Variants in ROBO2 observed in about 807,000 individuals in gnomAD.
ROBO2 encodes the protein roundabout homolog 2.
ROBO2 carries 53 observed loss-of-function variants against 160.8 expected under a neutral mutation model. That is an observed-to-expected ratio of 0.33 (90% CI 0.26 to 0.41). The LOEUF (loss-of-function observed/expected upper bound fraction) is 0.41, where lower values mean the gene tolerates loss of function less well. Ranked by LOEUF, ROBO2 falls within the 10% of genes least tolerant of loss-of-function variation. The probability of loss-of-function intolerance (pLI) is 1.00; values close to 1 mark genes in which losing one functional copy is unlikely to be tolerated. For synonymous variants in ROBO2, 664 were observed against 611.7 expected (o/e 1.09, Z -1.26); for missense variants, 1,577 against 1,722.4 (o/e 0.92, Z 1.49).
intron 2 of ROBO2, among the ~76,000 whole-genome samples, chr3:76,342,457 G>C (rs2074286347): frequency 6.6e-6 from 1 of 152,096 alleles, no homozygotes; most frequent in African/African-American, 2.4e-5. Flanking sequence ...CACAGAGTGG[G>C]TGCCACTTCA....
chr3:76,431,405 A>G (rs905184618), intron 2 of ROBO2, among the ~76,000 whole-genome samples: 13 of 152,172 alleles, frequency 8.5e-5, no homozygotes, highest in African/African-American at 2.9e-4. Context: ...AATCAGATGA[A>G]TCACAAATGT....
intron 2 of ROBO2, among the ~76,000 whole-genome samples, chr3:77,156,872 G>C (rs1296528101): frequency 2.0e-5 from 3 of 151,752 alleles, no homozygotes; most frequent in Non-Finnish European, 4.4e-5. Flanking sequence ...GAGTTCTTCT[G>C]TTTCTAATGC....
intron 2 of ROBO2, among the ~76,000 whole-genome samples, chr3:77,455,521 TC>T (rs1307434220): frequency 6.6e-6 from 1 of 152,124 alleles, no homozygotes; most frequent in Non-Finnish European, 1.5e-5. Context: ...AACATCCAAC[TC>T]CCTGGTTCAA....
chr3:76,082,685 T>A (rs189455271), intron 2 of ROBO2, among the ~76,000 whole-genome samples: 2 of 152,250 alleles, frequency 1.3e-5, no homozygotes, highest in Admixed American at 1.3e-4. Context: ...TAACAGTCGC[T>A]GCTACTCTCT....
At chr3:76,888,487 C>T (rs1447484667) in intron 2 of ROBO2, among the ~76,000 whole-genome samples, 2 of 152,008 alleles carry the variant, frequency 1.3e-5, no homozygotes, top group African/African-American at 2.4e-5. Context: ...TTTATTCTTG[C>T]CCATATTGTA....
intron 9 of ROBO2, among the ~76,000 whole-genome samples, 173 bp from the exon 11 acceptor site, chr3:77,562,478 A>G (rs2093353154): frequency 6.6e-6 from 1 of 152,186 alleles, no homozygotes; most frequent in South Asian, 2.1e-4. Flanking sequence ...GAATAATATT[A>G]TATGAGTTTA....
In ROBO2 at chr3:75,975,190, G is replaced by T. The variant is rs997320556; in HGVS notation, c.109+37588G>T. Among the ~76,000 whole-genome samples the T allele has an allele frequency of 7.9e-5, 12 of 151,432 alleles. No individual in the cohort carries two copies. In the East Asian group the frequency reaches 1.4e-3, roughly 17 times the overall value. On this transcript the variant is annotated intron_variant, in intron 2 of 26. Transcript: ENST00000487694. ...ATAGATTGGTTTATTTTGTAATTGGGTACAATACATGAATATTGGCAAATT... is the reference window on the plus strand; with the variant it reads ...ATAGATTGGTTTATTTTGTAATTGGTTACAATACATGAATATTGGCAAATT...
At chr3:76,948,221 CTT>C (rs2078692123) in intron 2 of ROBO2, among the ~76,000 whole-genome samples, 1 of 152,150 alleles carries the variant, frequency 6.6e-6, no homozygotes, top group Non-Finnish European at 1.5e-5. Context: ...TATTTTCTCT[CTT>C]GCAATTATGC....
intron 2 of ROBO2, among the ~76,000 whole-genome samples, chr3:76,207,831 A>C (rs1702904411): frequency 6.6e-6 from 1 of 152,178 alleles, no homozygotes. Flanking sequence ...TTTGGAAAGG[A>C]ATGTGATATG....
intron 2 of ROBO2, among the ~76,000 whole-genome samples, chr3:76,432,592 T>A (rs543893489): frequency 6.6e-6 from 1 of 152,210 alleles, no homozygotes; most frequent in African/African-American, 2.4e-5. Flanking sequence ...GAGACCTCAG[T>A]TCCCAACTAT....
At chr3:75,955,455 G>A (rs1397796423) in intron 2 of ROBO2, among the ~76,000 whole-genome samples, 1 of 151,236 alleles carries the variant, frequency 6.6e-6, no homozygotes, top group African/African-American at 2.4e-5. Flanking sequence ...GAATAATCTC[G>A]TGACGTGATT....
At chr3:76,985,575 G>GAAAAAAAAAAAAAAAAAAAAAA in intron 2 of ROBO2, among the ~76,000 whole-genome samples, 1 of 26,378 alleles carries the variant, frequency 3.8e-5, no homozygotes, top group Non-Finnish European at 6.6e-5. Context: ...GACTCCGTCT[G>GAAAAAAAAAAAAAAAAAAAAAA]AAAAAAAAAA....
chr3:77,596,580 C>T, intron 18 of ROBO2, 43 bp from the exon 20 acceptor site: 1 of 1,612,678 alleles, frequency 6.2e-7, no homozygotes, highest in South Asian at 1.1e-5. Context: ...CAAAATCTTG[C>T]ATTGAGCTCC....
At chr3:76,390,873 C>T (rs926230505) in intron 2 of ROBO2, among the ~76,000 whole-genome samples, 4 of 152,102 alleles carry the variant, frequency 2.6e-5, no homozygotes, top group African/African-American at 9.7e-5. Flanking sequence ...TTCAGTATGA[C>T]ATTGAATGTG....
chr3:77,155,644 G>A (rs752836409), intron 2 of ROBO2, among the ~76,000 whole-genome samples: 19 of 151,888 alleles, frequency 1.3e-4, no homozygotes, highest in Non-Finnish European at 2.7e-4. Context: ...AACAGAAAAC[G>A]AATACACATG....
At chr3:76,208,550 A>G (rs1702946557) in intron 2 of ROBO2, among the ~76,000 whole-genome samples, 1 of 152,088 alleles carries the variant, frequency 6.6e-6, no homozygotes, top group Non-Finnish European at 1.5e-5. Flanking sequence ...CAGCTTTTGT[A>G]CTTTGTTTTC....
intron 2 of ROBO2, among the ~76,000 whole-genome samples, chr3:76,780,673 A>G (rs533692240): frequency 6.6e-6 from 1 of 150,984 alleles, no homozygotes; most frequent in East Asian, 2.0e-4. Context: ...TTCCAACACC[A>G]TTTACTAAAG....
At chr3:77,554,701 A>T (rs908353935) in intron 8 of ROBO2, among the ~76,000 whole-genome samples, 2 of 152,026 alleles carry the variant, frequency 1.3e-5, no homozygotes, top group African/African-American at 4.8e-5. Flanking sequence ...CGAAGATGTG[A>T]CTAAATGGCT....
Position 76,568,990 on chromosome 3 carries a change from C to T in ROBO2, c.110-529024C>T, listed in dbSNP as rs535877255. On this transcript the variant is annotated intron_variant, in intron 2 of 26. Transcript: ENST00000487694. ...GAATTCAAAGTGCTTCCACATAATG[C>T]TGTTTAATATTTAGATCATTTAGAT... is the stretch of plus-strand genomic sequence containing the variant. Among the ~76,000 whole-genome samples the T allele has an allele frequency of 3.9e-5, 6 of 152,256 alleles. No individual in the cohort carries two copies. The East Asian group carries it at 1.2e-3, about 29-fold the overall frequency.
Sources: gnomAD v4.1 joint callset for allele counts (sites outside exome capture counted in the v4.1 genomes callset) on GRCh38, gnomAD v4.1.1 for gene constraint, MANE v1.5 for transcripts, NCBI Gene and HGNC (gene_info 2026-07-23, HGNC 2026-07-21) for gene names.